Variants in CGNL1 observed in about 807,000 individuals in gnomAD.
The protein encoded by CGNL1 is cingulin-like protein 1.
A neutral mutation model predicts 141.2 loss-of-function variants in CGNL1; 132 were observed. That is an observed-to-expected ratio of 0.93 (90% CI 0.81 to 1.08). The LOEUF (loss-of-function observed/expected upper bound fraction) is 1.08, where lower values mean the gene tolerates loss of function less well. CGNL1 is among the 50% of genes least tolerant of loss of function. CGNL1 has a pLI of 0.00. For missense variants in CGNL1, 1,870 were observed against 1,588.6 expected (o/e 1.18, Z -3.01); for synonymous variants, 690 against 622.1 (o/e 1.11, Z -1.63).
intron 1 of CGNL1, among the ~76,000 whole-genome samples, chr15:57,388,955 C>A (rs1201994751): frequency 1.3e-5 from 2 of 152,102 alleles, no homozygotes; most frequent in Non-Finnish European, 2.9e-5. Context: ...GAGGAGGAAT[C>A]TTCACATTTG....
intron 4 of CGNL1, among the ~76,000 whole-genome samples, chr15:57,449,726 C>G (rs1370347815): frequency 6.6e-6 from 1 of 152,184 alleles, no homozygotes; most frequent in Non-Finnish European, 1.5e-5. Flanking sequence ...TTGTTCCTTT[C>G]TCTCCCCTAA....
In CGNL1 at chr15:57,497,728, C is replaced by T. The variant is rs534827325; in HGVS notation, c.2404-19052C>T. The stretch of plus-strand genomic sequence containing the variant: ...GCCCTGCGGAATCTGGAAATGGTGG[C>T]TTCAGCTCAGGCCACAGGAGCTGAG... On this transcript the variant is annotated intron_variant, in intron 8 of 18. Transcript: ENST00000281282. Among the ~76,000 whole-genome samples, 3 of 152,340 alleles carry T rather than the reference C, an allele frequency of 2.0e-5. No homozygotes were observed. The East Asian group carries it at 5.8e-4, about 29-fold the overall frequency.
intron 1 of CGNL1, among the ~76,000 whole-genome samples, chr15:57,411,592 C>G (rs1323956384): frequency 2.0e-5 from 3 of 151,804 alleles, no homozygotes; most frequent in Admixed American, 2.0e-4. Flanking sequence ...TACAGGTGTC[C>G]GCCACCATGC....
intron 1 of CGNL1, chr15:57,401,943 G>T (rs2062664847): frequency 6.6e-6 from 1 of 152,120 alleles, no homozygotes; most frequent in Non-Finnish European, 1.5e-5. Flanking sequence ...TGACTTCTAT[G>T]GACAATGTAC....
intron 9 of CGNL1, among the ~76,000 whole-genome samples, chr15:57,517,270 C>A (rs924497202): frequency 1.3e-5 from 2 of 152,248 alleles, no homozygotes; most frequent in African/African-American, 4.8e-5. Flanking sequence ...CATGGCTTCA[C>A]ACAGGCATCC....
intron 8 of CGNL1, among the ~76,000 whole-genome samples, chr15:57,468,514 G>T (rs563161381): frequency 6.6e-6 from 1 of 152,026 alleles, no homozygotes; most frequent in Non-Finnish European, 1.5e-5. Context: ...TTATAGGTGT[G>T]ACCCACTGCA....
chr15:57,459,376 A>T (rs2063418435), intron 7 of CGNL1, among the ~76,000 whole-genome samples: 1 of 152,258 alleles, frequency 6.6e-6, no homozygotes. Flanking sequence ...GAGAAAAATG[A>T]TTAAAATATA....
At chr15:57,467,055 C>T (rs1265416653) in intron 8 of CGNL1, among the ~76,000 whole-genome samples, 1 of 152,052 alleles carries the variant, frequency 6.6e-6, no homozygotes, top group African/African-American at 2.4e-5. Flanking sequence ...TTCATTTCTC[C>T]GTTTGCATTA....
chr15:57,543,635 C>T (rs2032685426), intron 14 of CGNL1, 61 bp from the exon 15 acceptor site: 1 of 1,435,402 alleles, frequency 7.0e-7, no homozygotes, highest in Non-Finnish European at 9.8e-7. Flanking sequence ...GCCACCATTT[C>T]AGTACAAAAG....
At chr15:57,478,272 T>C (rs1370296271) in intron 8 of CGNL1, 1 of 152,194 alleles carries the variant, frequency 6.6e-6, no homozygotes, top group Non-Finnish European at 1.5e-5. Flanking sequence ...AGATGCTCTG[T>C]AGGAGAGGCG....
chr15:57,477,842 A>G (rs1261548157), intron 8 of CGNL1, among the ~76,000 whole-genome samples: 1 of 152,166 alleles, frequency 6.6e-6, no homozygotes, highest in Non-Finnish European at 1.5e-5. Flanking sequence ...CCAGAAGCAG[A>G]TGCCTGTGCT....
At chr15:57,467,428 G>C (rs1448673478) in intron 8 of CGNL1, among the ~76,000 whole-genome samples, 1 of 152,132 alleles carries the variant, frequency 6.6e-6, no homozygotes, top group Non-Finnish European at 1.5e-5. Context: ...ATACCTTGTA[G>C]GTGGGAAAGT....
chr15:57,424,711 C>G (rs2062954412), intron 1 of CGNL1, among the ~76,000 whole-genome samples: 1 of 152,072 alleles, frequency 6.6e-6, no homozygotes, highest in Non-Finnish European at 1.5e-5. Context: ...CATGAAGACC[C>G]AACAGTTTTA....
intron 13 of CGNL1, among the ~76,000 whole-genome samples, chr15:57,529,692 A>G (rs1400359055): frequency 6.6e-6 from 1 of 152,144 alleles, no homozygotes; most frequent in African/African-American, 2.4e-5. Flanking sequence ...CAGTCTTTTC[A>G]GAGAAGTTAA....
intron 8 of CGNL1, among the ~76,000 whole-genome samples, chr15:57,501,846 G>A (rs939582485): frequency 6.6e-5 from 10 of 152,264 alleles, no homozygotes; most frequent in South Asian, 2.1e-4. Context: ...GACTGCCACC[G>A]TGGATCCTGC....
intron 1 of CGNL1, among the ~76,000 whole-genome samples, chr15:57,391,738 C>T (rs2062545310): frequency 6.6e-6 from 1 of 152,050 alleles, no homozygotes; most frequent in African/African-American, 2.4e-5. Flanking sequence ...GTTTGAAGAC[C>T]CAGGCTTATT....
intron 8 of CGNL1, among the ~76,000 whole-genome samples, chr15:57,506,704 T>C (rs2064108198): frequency 6.6e-6 from 1 of 152,132 alleles, no homozygotes; most frequent in African/African-American, 2.4e-5. Flanking sequence ...GAGAACCGGG[T>C]TCAAGTCCTG....
intron 3 of CGNL1, among the ~76,000 whole-genome samples, chr15:57,440,798 T>G (rs1414058840): frequency 6.6e-6 from 1 of 152,228 alleles, no homozygotes; most frequent in African/African-American, 2.4e-5. Context: ...CGCCATCACC[T>G]TGAGTTCTTC....
At chr15:57,411,447 C>CTTT (rs112940511) in intron 1 of CGNL1, among the ~76,000 whole-genome samples, 16 of 142,138 alleles carry the variant, frequency 1.1e-4, no homozygotes, top group African/African-American at 3.6e-4. Context: ...TTTTCTTTTT[C>CTTT]TTTTTTTTTT....
Sources: allele counts gnomAD v4.1 joint callset (sites outside exome capture counted in the v4.1 genomes callset), GRCh38; gene constraint gnomAD v4.1.1; transcripts MANE v1.5; gene names NCBI Gene and HGNC (gene_info 2026-07-23, HGNC 2026-07-21).